FAM227A: variants seen among roughly 807,000 people sequenced by gnomAD.
FAM227A encodes protein FAM227A.
A neutral mutation model predicts 74.7 loss-of-function variants in FAM227A; 80 were observed. The observed-to-expected ratio is 1.07, with a 90% confidence interval of 0.89 to 1.29. The LOEUF is 1.29. Ranked by LOEUF, FAM227A falls within the 50% of genes most tolerant of loss-of-function variation. The pLI, the probability that FAM227A is intolerant of heterozygous loss-of-function variation, is 0.00. For missense variants in FAM227A, 654 were observed against 683.4 expected (o/e 0.96, Z 0.48); for synonymous variants, 237 against 241.8 (o/e 0.98, Z 0.19).
intron 15 of FAM227A, among the ~76,000 whole-genome samples, chr22:38,591,752 C>T (rs146589256): frequency 2.6e-5 from 4 of 152,192 alleles, no homozygotes; most frequent in Admixed American, 1.3e-4. Flanking sequence ...GCACTCGGAT[C>T]GAGAAAGAGA....
At position 38,597,207 on chromosome 22, in the gene FAM227A, GAGA is replaced by G. The variant is rs865969260; in HGVS notation, c.1526_1528del (p.Phe509del). ...TTCCCCAAAGCCCCTTCCATACCTG[GAGA>G]AGTTGTCTTGCAGCTCCTTTAGATG... On this transcript the variant is annotated inframe_deletion, in exon 15 of 17. Transcript: ENST00000535113. 2 of 1,552,074 alleles carry G rather than the reference GAGA, an allele frequency of 1.3e-6. No individual in the cohort carries two copies. The highest frequency in any genetic ancestry group is 1.7e-6 in the Non-Finnish European group (2 of 1,147,040).
At chr22:38,600,192 C>G (rs2091141653) in intron 13 of FAM227A, among the ~76,000 whole-genome samples, 1 of 151,890 alleles carries the variant, frequency 6.6e-6, no homozygotes, top group Non-Finnish European at 1.5e-5. Flanking sequence ...TGGTATGTCA[C>G]TATTAAAATG....
At chr22:38,608,496 T>G (rs2146266996) in intron 11 of FAM227A, among the ~76,000 whole-genome samples, 1 of 152,178 alleles carries the variant, frequency 6.6e-6, no homozygotes, top group South Asian at 2.1e-4. Flanking sequence ...AATGGCACGA[T>G]CTCGGCTCAC....
intron 12 of FAM227A, among the ~76,000 whole-genome samples, chr22:38,606,854 T>G (rs2091294185): frequency 6.6e-6 from 1 of 152,146 alleles, no homozygotes; most frequent in African/African-American, 2.4e-5. Flanking sequence ...AACAGCACTG[T>G]GCTGACCTCA....
In FAM227A at chr22:38,623,158, AC is replaced by A; in HGVS notation, c.958+13del. 1 of 1,529,012 alleles carries A rather than the reference AC, an allele frequency of 6.5e-7. No homozygotes were observed. Among genetic ancestry groups the A allele is most frequent in the Non-Finnish European group, 8.9e-7 (1 of 1,126,372 alleles). 94.7% of individuals were successfully genotyped at this position (1,529,012 alleles called of 1,614,324 possible). A position where few individuals can be genotyped will look rare whatever the true frequency, so the allele number is the denominator to read the frequency against. On this transcript the variant is annotated intron_variant, in intron 10 of 16. Transcript: ENST00000535113. ...AGTGGCAAAGAAGGCGGGAGGCTGT[AC>A]CTGCTATCTTACCCTTTGTCAGTCT...
chr22:38,639,749 G>C, intron 3 of FAM227A, 25 bp from the exon 4 acceptor site: 2 of 1,464,874 alleles, frequency 1.4e-6, no homozygotes, highest in Non-Finnish European at 1.9e-6. Context: ...AAAAAGGGGG[G>C]CATTAGGGAT....
chr22:38,613,305 T>C (rs6001171), intron 11 of FAM227A, among the ~76,000 whole-genome samples: 30 of 82,200 alleles, frequency 3.6e-4, no homozygotes, highest in East Asian at 2.2e-3. Flanking sequence ...TCATATATAA[T>C]ATATAACATA....
chr22:38,601,271 A>G (rs1041959786), intron 13 of FAM227A, among the ~76,000 whole-genome samples: 33 of 152,088 alleles, frequency 2.2e-4, no homozygotes, highest in Non-Finnish European at 5.9e-5. Flanking sequence ...TGGCGTGATC[A>G]GGGAAGGCTG....
intron 11 of FAM227A, 37 bp from the exon 12 acceptor site, chr22:38,607,513 CG>C: frequency 7.5e-7 from 1 of 1,339,340 alleles, no homozygotes; most frequent in African/African-American, 1.5e-5. Context: ...AGGGAGAAAG[CG>C]AGAGAGAGAG....
In FAM227A at chr22:38,582,947, G is replaced by C; in HGVS notation, c.*3178C>G. On this transcript the variant is annotated 3_prime_UTR_variant, in exon 17 of 17. Coordinates refer to ENST00000535113, the MANE Select transcript of FAM227A (RefSeq NM_001013647.2). ...AGGAAGAGCAGGAATTAGTGATGTT[G>C]GCAGTTAACAAAGAGGAGGGAGGAG... 1 of 1,550,400 alleles carries C rather than the reference G, an allele frequency of 6.4e-7. No homozygotes were observed. Among genetic ancestry groups the C allele is most frequent in the Non-Finnish European group, 8.7e-7 (1 of 1,146,958 alleles).
At chr22:38,636,638 T>C (rs773976552) in intron 5 of FAM227A, 41 bp from the exon 6 acceptor site, 377 of 1,533,338 alleles carry the variant, frequency 2.5e-4, no homozygotes, top group Non-Finnish European at 3.1e-4. Flanking sequence ...GGTTCACATT[T>C]TGACAGTGTG....
chr22:38,614,599 T>G (rs750903056), intron 11 of FAM227A, among the ~76,000 whole-genome samples: 38 of 152,172 alleles, frequency 2.5e-4, no homozygotes, highest in Non-Finnish European at 4.9e-4. Flanking sequence ...GTGTCTGCTC[T>G]TGATGAGAGA....
At chr22:38,596,521 G>A (rs1036116201) in intron 15 of FAM227A, among the ~76,000 whole-genome samples, 1 of 152,256 alleles carries the variant, frequency 6.6e-6, no homozygotes, top group South Asian at 2.1e-4. Flanking sequence ...ACTGCAGCCC[G>A]GGTGACTGAG....
Position 38,591,452 on chromosome 22 carries a change from G to C in FAM227A, c.1621C>G (p.Pro541Ala). ...IPPSAVNEES[P>A]DKKTKEGKGG... is the part of the protein sequence containing the mutation. ...AGACTTCCCTTAGTTTTCTTGTCAG[G>C]TGATTCCTCATTGACGGCTGAAGGT... The change falls in exon 16 of 17, where the codon CCT becomes GCT. Residue 541 changes from proline (P) to alanine (A), a missense_variant. Pro to Ala is a conservative substitution (Grantham distance 27). Coordinates refer to ENST00000535113, the MANE Select transcript of FAM227A (RefSeq NM_001013647.2). 1 of 1,551,108 alleles carries C rather than the reference G, an allele frequency of 6.4e-7. No homozygotes were observed. Among genetic ancestry groups the C allele is most frequent in the South Asian group, 1.2e-5 (1 of 83,964 alleles).
At chr22:38,623,123 T>G in intron 10 of FAM227A, 49 bp downstream of exon 10, 1 of 1,274,420 alleles carries the variant, frequency 7.8e-7, no homozygotes, top group Non-Finnish European at 1.1e-6. Context: ...AGATAGTGGT[T>G]GAGTATGGCA....
chr22:38,631,935 C>G (rs2091922282), intron 6 of FAM227A, among the ~76,000 whole-genome samples: 1 of 152,080 alleles, frequency 6.6e-6, no homozygotes, highest in South Asian at 2.1e-4. Context: ...GTTGTGGTGC[C>G]TGAACTTGAC....
intron 11 of FAM227A, among the ~76,000 whole-genome samples, chr22:38,611,083 C>A (rs1421592599): frequency 6.6e-6 from 1 of 152,048 alleles, no homozygotes. Flanking sequence ...AAAAATCTTT[C>A]CTATCCATTC....
chr22:38,650,681 G>A (rs1433855696), intron 1 of FAM227A, among the ~76,000 whole-genome samples: 4 of 152,134 alleles, frequency 2.6e-5, no homozygotes, highest in Non-Finnish European at 5.9e-5. Context: ...TTCCGATGCT[G>A]TGATTCTAGA....
At chr22:38,653,591 G>A (rs2092350905) in intron 1 of FAM227A, among the ~76,000 whole-genome samples, 1 of 151,998 alleles carries the variant, frequency 6.6e-6, no homozygotes, top group Non-Finnish European at 1.5e-5. Flanking sequence ...TGGTCAGGCT[G>A]GTCTCAAACT....
Sources: allele counts gnomAD v4.1 joint callset (sites outside exome capture counted in the v4.1 genomes callset), GRCh38; gene constraint gnomAD v4.1.1; transcripts MANE v1.5; gene names NCBI Gene and HGNC (gene_info 2026-07-23, HGNC 2026-07-21).